Variants in STOX2 observed in about 807,000 individuals in gnomAD.
The protein encoded by STOX2 is storkhead box 2.
In STOX2, 28 loss-of-function variants were observed where a neutral mutation model predicts 60.9. The observed-to-expected ratio is 0.46, with a 90% confidence interval of 0.34 to 0.63. The LOEUF (loss-of-function observed/expected upper bound fraction) is 0.63. Among genes scored for constraint, STOX2 ranks in the 30% least tolerant of loss-of-function variants. The pLI is 0.01. For synonymous variants in STOX2, 472 were observed against 463.9 expected (o/e 1.02, Z -0.22); for missense variants, 1,024 against 1,187.7 (o/e 0.86, Z 2.03).
chr4:183,924,040 A>G (rs1202760932), intron 1 of STOX2, among the ~76,000 whole-genome samples: 1 of 152,194 alleles, frequency 6.6e-6, no homozygotes, highest in East Asian at 1.9e-4. Context: ...GATGGGGTCC[A>G]GAACTTTATA....
intron 1 of STOX2, among the ~76,000 whole-genome samples, chr4:183,953,716 C>T (rs1035497428): frequency 3.3e-5 from 5 of 152,076 alleles, no homozygotes; most frequent in Non-Finnish European, 7.4e-5. Context: ...CAGGCGTGCA[C>T]CACCATGCCC....
chr4:183,972,039 A>G (rs1743756746), intron 1 of STOX2, among the ~76,000 whole-genome samples: 1 of 152,224 alleles, frequency 6.6e-6, no homozygotes, highest in South Asian at 2.1e-4. Flanking sequence ...CCTGAGAAGC[A>G]GGAAAAGGGA....
chr4:183,919,708 C>A (rs1339880657), intron 1 of STOX2, among the ~76,000 whole-genome samples: 1 of 152,062 alleles, frequency 6.6e-6, no homozygotes, highest in African/African-American at 2.4e-5. Context: ...TGGGATCAAG[C>A]AATCCTCCCC....
At chr4:183,977,546 C>CGTGTGTGTGTGT (rs56043761) in intron 1 of STOX2, among the ~76,000 whole-genome samples, 87 of 147,902 alleles carry the variant, frequency 5.9e-4, no homozygotes, top group African/African-American at 1.8e-3. Flanking sequence ...CATTCCATTT[C>CGTGTGTGTGTGT]GTGTGTGTGT....
At chr4:183,978,949 A>G (rs1732546332) in intron 1 of STOX2, among the ~76,000 whole-genome samples, 1 of 152,236 alleles carries the variant, frequency 6.6e-6, no homozygotes, top group Non-Finnish European at 1.5e-5. Flanking sequence ...AATTTTGTAT[A>G]TGTTAATTTT....
At chr4:183,807,626 T>C (rs1738935801) in intron 1 of STOX2, among the ~76,000 whole-genome samples, 1 of 152,134 alleles carries the variant, frequency 6.6e-6, no homozygotes, top group Non-Finnish European at 1.5e-5. Context: ...CCCACCCCAC[T>C]CCCAGCTCAG....
At chr4:183,967,116 A>G (rs1743596256) in intron 1 of STOX2, among the ~76,000 whole-genome samples, 1 of 152,138 alleles carries the variant, frequency 6.6e-6, no homozygotes, top group Non-Finnish European at 1.5e-5. Flanking sequence ...TAATCCCAGC[A>G]CTTTGGGAGG....
At position 184,011,131 on chromosome 4, in the gene STOX2, G is replaced by A. The variant is rs1228698408; in HGVS notation, c.2293G>A (p.Gly765Arg). ...PASQRQQESG[G>R]NQEASFDYYN... ...TTCCCAGCGTCAGCAGGAGTCAGGA[G>A]GGAACCAGGAAGCCTCTTTTGACTA... Residue 765 changes from glycine to arginine, a missense_variant, in exon 3 of 4, where the codon GGG becomes AGG. This residue lies in a region of STOX2 where 922 missense variants were observed against 1,058.3 expected (regional missense o/e 0.87). Transcript: ENST00000308497. This position sits in a 1 kb window ranked among gnomAD's most constrained non-coding sequence, Gnocchi z 4.4. 2 of 1,578,516 alleles carry A rather than the reference G, an allele frequency of 1.3e-6. No individual in the cohort carries two copies. Among genetic ancestry groups the A allele is most frequent in the African/African-American group, 2.7e-5 (2 of 73,472 alleles).
Position 184,008,128 on chromosome 4 carries a change from G to A in STOX2, c.320-1030G>A, listed in dbSNP as rs570259469. Among the ~76,000 whole-genome samples, 4 of 152,276 alleles carry A rather than the reference G, an allele frequency of 2.6e-5. No individual in the cohort carries two copies. The South Asian group carries it at 8.3e-4, about 32-fold the overall frequency. On this transcript the variant is annotated intron_variant, in intron 2 of 3. Coordinates refer to ENST00000308497, the MANE Select transcript of STOX2 (RefSeq NM_020225.3). ...TTGTGAGTCAGATGGTTAAATATGG[G>A]CAGTTTCACATGACTCAAGCTGACC...
At chr4:183,947,930 G>C (rs1334273155) in intron 1 of STOX2, among the ~76,000 whole-genome samples, 1 of 152,086 alleles carries the variant, frequency 6.6e-6, no homozygotes, top group Non-Finnish European at 1.5e-5. Flanking sequence ...TTAAGAGTAA[G>C]TAGAGGCTGG....
intron 1 of STOX2, among the ~76,000 whole-genome samples, chr4:183,988,994 C>T (rs1272938906): frequency 6.6e-6 from 1 of 152,176 alleles, no homozygotes. Context: ...CCACCACACA[C>T]GACCTCACCA....
chr4:183,896,693 A>C (rs1741347168), intron 1 of STOX2, among the ~76,000 whole-genome samples: 1 of 152,172 alleles, frequency 6.6e-6, no homozygotes, highest in African/African-American at 2.4e-5. Context: ...TGTGCTCATT[A>C]AGTGGATTTA....
chr4:183,875,037 G>C (rs974331369), intron 1 of STOX2, among the ~76,000 whole-genome samples: 1 of 111,692 alleles, frequency 9.0e-6, no homozygotes, highest in Non-Finnish European at 1.9e-5. Flanking sequence ...CATGTTGTGG[G>C]ATAGCTTTGG....
intron 1 of STOX2, among the ~76,000 whole-genome samples, chr4:183,817,152 T>G (rs1180071520): frequency 6.6e-6 from 1 of 152,254 alleles, no homozygotes; most frequent in Non-Finnish European, 1.5e-5. Flanking sequence ...GGTGTCCACA[T>G]TCTTGGAAGC....
At chr4:183,987,473 T>C (rs1732896674) in intron 1 of STOX2, among the ~76,000 whole-genome samples, 1 of 152,078 alleles carries the variant, frequency 6.6e-6, no homozygotes, top group Non-Finnish European at 1.5e-5. Context: ...ACGTGATTCA[T>C]TTTCACCTTG....
chr4:184,006,881 TG>T (rs1470211859), intron 2 of STOX2, among the ~76,000 whole-genome samples: 24 of 149,024 alleles, frequency 1.6e-4, no homozygotes, highest in African/African-American at 5.6e-4. Context: ...CTGGGCGTAG[TG>T]GCGGGCGCCT....
chr4:183,935,804 C>G (rs1466391036), intron 1 of STOX2, among the ~76,000 whole-genome samples: 1 of 152,212 alleles, frequency 6.6e-6, no homozygotes, highest in Non-Finnish European at 1.5e-5. Context: ...TTTCTCTGCT[C>G]CCCTCTTCTC....
intron 1 of STOX2, among the ~76,000 whole-genome samples, chr4:183,881,006 A>T (rs1027402195): frequency 1.3e-5 from 2 of 152,196 alleles, no homozygotes; most frequent in African/African-American, 4.8e-5. Context: ...GAGTGAAAAC[A>T]TTCTCTAAAT....
intron 1 of STOX2, among the ~76,000 whole-genome samples, chr4:183,916,675 A>G (rs1741939897): frequency 6.6e-6 from 1 of 152,234 alleles, no homozygotes; most frequent in South Asian, 2.1e-4. Flanking sequence ...GTAGAATCCC[A>G]TCAGACACAT....
Sources: allele counts gnomAD v4.1 joint callset (sites outside exome capture counted in the v4.1 genomes callset), GRCh38; gene constraint gnomAD v4.1.1; regional missense constraint gnomAD v4.1.1; non-coding constraint Gnocchi (gnomAD v3.1); transcripts MANE v1.5; gene names NCBI Gene and HGNC (gene_info 2026-07-23, HGNC 2026-07-21).